The following RAPGEF2 variants were observed in gnomAD, a reference collection of about 807,000 sequenced individuals.
RAPGEF2 encodes PDZ domain containing guanine nucleotide exchange factor (GEF) 1.
RAPGEF2 carries 54 observed loss-of-function variants against 186.7 expected under a neutral mutation model. The observed-to-expected ratio is 0.29, with a 90% CI of 0.23 to 0.36. The LOEUF (loss-of-function observed/expected upper bound fraction) is 0.36. RAPGEF2 is among the 10% of genes least tolerant of loss of function. The probability of loss-of-function intolerance (pLI) is 1.00; values close to 1 mark genes in which losing one functional copy is unlikely to be tolerated. For missense variants in RAPGEF2, 1,532 were observed against 2,045.0 expected (o/e 0.75, Z 4.84); for synonymous variants, 712 against 705.9 (o/e 1.01, Z -0.14).
intron 3 of RAPGEF2, among the ~76,000 whole-genome samples, chr4:159,197,532 G>A (rs1439938908): frequency 6.6e-6 from 1 of 152,144 alleles, no homozygotes. Flanking sequence ...AGTTTTCATA[G>A]CACTTTGTAA....
chr4:159,301,904 A>G (rs958093430), intron 7 of RAPGEF2, among the ~76,000 whole-genome samples: 7 of 152,178 alleles, frequency 4.6e-5, no homozygotes, highest in African/African-American at 1.7e-4. Context: ...ATTGTTTGTA[A>G]CACCTATCAC....
At position 159,286,030 on chromosome 4, in the gene RAPGEF2, AACCACC is replaced by A. The variant is rs35426817; in HGVS notation, c.544-18265_544-18260del. Among the ~76,000 whole-genome samples the A allele has an allele frequency of 4.3e-3, 386 of 89,292 alleles. 2 individuals carry two copies. The highest frequency in any genetic ancestry group is 8.2e-3 in the African/African-American group (218 of 26,444). 58.6% of individuals were successfully genotyped at this position (89,292 alleles called of 152,430 possible). On this transcript the variant is annotated intron_variant, in intron 7 of 29. Coordinates refer to ENST00000691494, the MANE Select transcript of RAPGEF2 (RefSeq NM_001394067.2). ...CTCTTAACACTTAACTGTTCCCCCCAACCACCACCACCACCACCACCACCACCACCA... is the reference window on the plus strand; with the variant it reads ...CTCTTAACACTTAACTGTTCCCCCCAACCACCACCACCACCACCACCACCA...
chr4:159,199,126 A>G lies in RAPGEF2; in HGVS notation c.197+5870A>G, dbSNP rs536609213. Among the ~76,000 whole-genome samples the G allele has an allele frequency of 9.2e-5, 14 of 151,928 alleles. No individual in the cohort carries two copies. In the South Asian group the frequency reaches 2.3e-3, roughly 25 times the overall value. ...ATTTGAAAAAATGGCATCTTTAAAG[A>G]CTTAGCCTTTGCATGGAATTGTAGG... On this transcript the variant is annotated intron_variant, in intron 3 of 29. Transcript: ENST00000691494.
In RAPGEF2 at chr4:159,203,097, T is replaced by C. The variant is rs372312136; in HGVS notation, c.198-7403T>C. 3.7e-4 allele frequency among the ~76,000 whole-genome samples: 56 copies of C among 152,346 alleles called. No individual in the cohort carries two copies. In the South Asian group the frequency reaches 0.01, roughly 28 times the overall value. On this transcript the variant is annotated intron_variant, in intron 3 of 29. Coordinates refer to ENST00000691494, the MANE Select transcript of RAPGEF2 (RefSeq NM_001394067.2). ...GTCAACTTCAACTTGATCGCTTGCA[T>C]TTACTGGCCACCTCCTTAAATGAGA...
chr4:159,318,756 A>T (rs759323607), intron 9 of RAPGEF2, among the ~76,000 whole-genome samples: 72 of 152,020 alleles, frequency 4.7e-4, no homozygotes, highest in African/African-American at 1.3e-3. Context: ...CCGGGTTTTT[A>T]AAAAAAATTA....
chr4:159,125,868 T>C (rs1425813378), intron 1 of RAPGEF2, among the ~76,000 whole-genome samples: 1 of 152,174 alleles, frequency 6.6e-6, no homozygotes, highest in African/African-American at 2.4e-5. Flanking sequence ...TTGTTAGATG[T>C]GAAATTACTT....
intron 3 of RAPGEF2, among the ~76,000 whole-genome samples, chr4:159,203,889 T>C (rs1243142172): frequency 3.3e-5 from 5 of 152,262 alleles, no homozygotes; most frequent in Admixed American, 6.5e-5. Flanking sequence ...ATTTTGCAGT[T>C]GAGGAACTAG....
chr4:159,133,874 C>A (rs368576910), intron 1 of RAPGEF2, among the ~76,000 whole-genome samples: 1 of 152,144 alleles, frequency 6.6e-6, no homozygotes, highest in African/African-American at 2.4e-5. Flanking sequence ...TGAGCCACCG[C>A]GCCTGGCCAA....
At chr4:159,311,586 A>G (rs539643287) in intron 8 of RAPGEF2, among the ~76,000 whole-genome samples, 8 of 152,178 alleles carry the variant, frequency 5.3e-5, no homozygotes, top group African/African-American at 9.7e-5. Context: ...ATCGATGATA[A>G]GATGGGCTTG....
intron 7 of RAPGEF2, among the ~76,000 whole-genome samples, chr4:159,287,827 G>T (rs1352006668): frequency 1.3e-5 from 2 of 152,130 alleles, no homozygotes; most frequent in African/African-American, 4.8e-5. Context: ...CAGTGGCATA[G>T]CTAATTCACC....
intron 9 of RAPGEF2, among the ~76,000 whole-genome samples, chr4:159,315,173 C>T (rs1337124272): frequency 6.6e-6 from 1 of 151,998 alleles, no homozygotes; most frequent in African/African-American, 2.4e-5. Flanking sequence ...CAGTGATTTG[C>T]TTCTACTCTG....
At chr4:159,204,510 C>T (rs560871879) in intron 3 of RAPGEF2, among the ~76,000 whole-genome samples, 3 of 152,292 alleles carry the variant, frequency 2.0e-5, no homozygotes, top group African/African-American at 7.2e-5. Flanking sequence ...TGGGATAATG[C>T]TCAGCGGGGA....
chr4:159,319,854 C>T lies in RAPGEF2; in HGVS notation c.854-2493C>T, dbSNP rs528107291. On this transcript the variant is annotated intron_variant, in intron 9 of 29. Coordinates refer to ENST00000691494, the MANE Select transcript of RAPGEF2 (RefSeq NM_001394067.2). ...TAGATTAAGAGTCTGCCAAAAAGCA[C>T]GCAATATGTCTACACGAAGCACTTT... is the stretch of plus-strand genomic sequence containing the variant. 1.4e-4 allele frequency among the ~76,000 whole-genome samples: 21 copies of T among 151,910 alleles called. No homozygotes were observed. The South Asian group carries it at 2.7e-3, about 20-fold the overall frequency.
Position 159,331,525 on chromosome 4 carries a change from A to G in RAPGEF2, c.1562A>G (p.Asn521Ser). 6.2e-7 allele frequency: 1 copy of G among 1,612,730 alleles called. No homozygotes were observed. The highest frequency in any genetic ancestry group is 8.5e-7 in the Non-Finnish European group (1 of 1,178,902). ...MTRFLEEFEN[N>S]LEREKMGGHL... ...CGATTTTTAGAAGAATTTGAAAACA[A>G]TCTGGAAAGAGAGGTAATATTTGTG... The change falls in exon 14 of 30, where the codon AAT (asparagine) becomes AGT (serine). Residue 521 changes from asparagine to serine, a missense_variant. Physicochemically the swap from Asn to Ser is conservative, Grantham distance 46. Transcript: ENST00000691494.
intron 7 of RAPGEF2, among the ~76,000 whole-genome samples, chr4:159,250,660 C>CTCT: frequency 7.5e-6 from 1 of 133,256 alleles, no homozygotes; most frequent in African/African-American, 3.1e-5. Flanking sequence ...ATTATTAGCA[C>CTCT]TCTTCTTTTT....
rs1018477596 is a variant in RAPGEF2, at chr4:159,145,894, C to T, written c.70-40748C>T. The stretch of plus-strand genomic sequence containing the variant: ...TGTAGTGGGAGCAACTCTGGCTTAT[C>T]CCAGAAACAAGTAGCTGGCTTGTCA... On this transcript the variant is annotated intron_variant, in intron 1 of 29. Transcript: ENST00000691494. Among the ~76,000 whole-genome samples, 4 of 152,044 alleles carry T rather than the reference C, an allele frequency of 2.6e-5. No individual in the cohort carries two copies. The East Asian group carries it at 5.8e-4, about 22-fold the overall frequency.
intron 1 of RAPGEF2, among the ~76,000 whole-genome samples, chr4:159,163,529 G>A (rs1425462893): frequency 2.2e-4 from 34 of 152,166 alleles, no homozygotes; most frequent in Admixed American, 2.2e-3. Flanking sequence ...CGTATCATGT[G>A]TTGTACAAAA....
At chr4:159,319,495 C>CAT (rs1031695966) in intron 9 of RAPGEF2, among the ~76,000 whole-genome samples, 24 of 151,182 alleles carry the variant, frequency 1.6e-4, no homozygotes, top group African/African-American at 2.4e-4. Context: ...AGACTGCTGC[C>CAT]ATATATATAT....
intron 9 of RAPGEF2, among the ~76,000 whole-genome samples, chr4:159,317,446 G>A (rs1337209690): frequency 6.6e-6 from 1 of 152,202 alleles, no homozygotes; most frequent in East Asian, 1.9e-4. Context: ...TGCAGGCAGT[G>A]AGTGCAGTGA....
Sources: gnomAD v4.1 joint callset for allele counts (sites outside exome capture counted in the v4.1 genomes callset) on GRCh38, gnomAD v4.1.1 for gene constraint, MANE v1.5 for transcripts, NCBI Gene and HGNC (gene_info 2026-07-23, HGNC 2026-07-21) for gene names.